SCN9A: variants seen among roughly 807,000 people sequenced by gnomAD.
SCN9A encodes the protein sodium channel protein type 9 subunit alpha.
Under a neutral mutation model 187.0 loss-of-function variants are expected in SCN9A, and 131 were observed. That is an observed-to-expected ratio of 0.70 (90% CI 0.61 to 0.81). The LOEUF (loss-of-function observed/expected upper bound fraction) is 0.81. SCN9A is among the 30% of genes least tolerant of loss of function. The pLI, the probability that SCN9A is intolerant of heterozygous loss-of-function variation, is 0.00. For missense variants in SCN9A, 2,252 were observed against 2,396.6 expected, an observed-to-expected ratio of 0.94 and a Z score of 1.26; for synonymous variants, 809 against 808.6, an observed-to-expected ratio of 1.00 and a Z score of -0.01.
At chr2:166,199,914 A>G in intron 26 of SCN9A, 50 bp from the exon 27 acceptor site, 2 of 1,427,052 alleles carry the variant, frequency 1.4e-6, no homozygotes, top group Non-Finnish European at 1.9e-6. Context: ...GATGTATGCT[A>G]CCTGAAATGA....
Position 166,281,763 on chromosome 2 carries a change from G to A in SCN9A, c.2020C>T (p.Leu674Phe), listed in dbSNP as rs530831139. The A allele has an allele frequency of 6.2e-7, 1 of 1,613,162 alleles. No individual in the cohort carries two copies. Among genetic ancestry groups the A allele is most frequent in the African/African-American group, 1.3e-5 (1 of 74,978 alleles). The part of the protein sequence containing the change: ...IHKKRRCSSY[L>F]LSEDMLNDPN... ...TCATTCAGCATATCCTCTGAAAGGA[G>A]ATAGGAACTACAACGCCTTTTCTTG... Residue 674 changes from leucine to phenylalanine, a missense_variant, in exon 13 of 27, where the codon CTC (leucine) becomes TTC (phenylalanine). By Grantham distance (22) the Leu-to-Phe change is conservative. Around this residue, in one of 7 missense-constraint regions of SCN9A, gnomAD observed 1,013 missense variants for 997.4 expected, o/e 1.02. Transcript: ENST00000642356.
chr2:166,202,991 A>G (rs888340162), intron 26 of SCN9A, among the ~76,000 whole-genome samples: 79 of 151,602 alleles, frequency 5.2e-4, no homozygotes, highest in Admixed American at 7.2e-4. Flanking sequence ...AAAAACAGGG[A>G]TGATACAGGC....
intron 1 of SCN9A, among the ~76,000 whole-genome samples, chr2:166,373,174 A>G (rs956490531): frequency 4.6e-5 from 7 of 152,172 alleles, no homozygotes; most frequent in Non-Finnish European, 1.0e-4. Context: ...CTTAATGAGA[A>G]GAGAATAGGT....
chr2:166,318,770 A>G (rs182521362), intron 1 of SCN9A, among the ~76,000 whole-genome samples: 161 of 152,304 alleles, frequency 1.1e-3, no homozygotes, highest in African/African-American at 3.5e-3. Context: ...GAAACGTTCT[A>G]TACCTTGATC....
At chr2:166,257,456 ATAATTAC>A (rs1359287205) in intron 17 of SCN9A, among the ~76,000 whole-genome samples, 1 of 151,728 alleles carries the variant, frequency 6.6e-6, no homozygotes, top group Non-Finnish European at 1.5e-5. Flanking sequence ...AATGAATGGA[ATAATTAC>A]TAGCTTTTTA....
chr2:166,371,040 G>T (rs12996068), intron 1 of SCN9A, among the ~76,000 whole-genome samples: 3 of 152,006 alleles, frequency 2.0e-5, no homozygotes, highest in African/African-American at 7.2e-5. Context: ...GACATAACAA[G>T]AGGAAATCAT....
At chr2:166,244,625 C>T (rs553165467) in intron 18 of SCN9A, among the ~76,000 whole-genome samples, 23 of 151,760 alleles carry the variant, frequency 1.5e-4, no homozygotes, top group Non-Finnish European at 3.1e-4. Context: ...GGTCTATTCT[C>T]TCTGGATTAT....
chr2:166,277,608 G>T, intron 15 of SCN9A: 1 of 333,314 alleles, frequency 3.0e-6, no homozygotes, highest in Non-Finnish European at 5.4e-6. Flanking sequence ...ATCATAATTT[G>T]TGATATTTTT....
intron 16 of SCN9A, among the ~76,000 whole-genome samples, chr2:166,273,714 A>G (rs890636783): frequency 2.0e-5 from 3 of 152,140 alleles, no homozygotes; most frequent in Admixed American, 6.6e-5. Flanking sequence ...TGTAAATTAT[A>G]TTTAAACATT....
chr2:166,222,093 CAA>C (rs1367330903), intron 24 of SCN9A, among the ~76,000 whole-genome samples: 3 of 151,834 alleles, frequency 2.0e-5, no homozygotes, highest in Non-Finnish European at 4.4e-5. Context: ...AAAATTCAAA[CAA>C]GAGCAAAAAT....
chr2:166,313,741 C>T (rs975974795), intron 1 of SCN9A, among the ~76,000 whole-genome samples: 2 of 152,172 alleles, frequency 1.3e-5, no homozygotes, highest in Admixed American at 6.6e-5. Context: ...AAGAATGTTT[C>T]CTTTGCATTC....
At chr2:166,202,150 A>AT (rs908750082) in intron 26 of SCN9A, among the ~76,000 whole-genome samples, 8 of 147,248 alleles carry the variant, frequency 5.4e-5, no homozygotes, top group African/African-American at 1.5e-4. Context: ...ATTTATGATG[A>AT]TTTTTTCCCC....
At chr2:166,351,097 G>C (rs1420350799) in intron 1 of SCN9A, among the ~76,000 whole-genome samples, 1 of 151,906 alleles carries the variant, frequency 6.6e-6, no homozygotes, top group Non-Finnish European at 1.5e-5. Context: ...TCATATCTAA[G>C]TTTTAAAAAA....
chr2:166,210,715 T>C (rs1184329407), intron 24 of SCN9A, among the ~76,000 whole-genome samples: 1 of 151,918 alleles, frequency 6.6e-6, no homozygotes, highest in African/African-American at 2.4e-5. Context: ...TGGGGAGAGA[T>C]ATGAACATCT....
intron 20 of SCN9A, among the ~76,000 whole-genome samples, chr2:166,235,871 G>C (rs898187677): frequency 3.3e-5 from 5 of 151,934 alleles, no homozygotes; most frequent in African/African-American, 1.2e-4. Flanking sequence ...TGAACAGGAG[G>C]TTATACTCAC....
intron 7 of SCN9A, among the ~76,000 whole-genome samples, chr2:166,299,341 C>T (rs528150689): frequency 6.6e-6 from 1 of 150,760 alleles, no homozygotes; most frequent in Non-Finnish European, 1.5e-5. Context: ...TTATTCTTAC[C>T]TTGAACCCTA....
chr2:166,280,498 T>C lies in SCN9A; in HGVS notation c.2202A>G (p.Lys734=), dbSNP rs2106475696. 1 of 1,588,054 alleles carries C rather than the reference T, an allele frequency of 6.3e-7. No individual in the cohort carries two copies. Among genetic ancestry groups the C allele is most frequent in the Non-Finnish European group, 8.6e-7 (1 of 1,164,978 alleles). Reference sequence around the variant, plus strand: ...CCATTACAATAAAATAGATACACTTTTTGAATTTTATCCAATATGGAGAGC... The same window carrying C: ...CCATTACAATAAAATAGATACACTTCTTGAATTTTATCCAATATGGAGAGC... ...WNCSPYWIKF[K]KCIYFIVMDP... is the part of the protein sequence containing the mutation. Residue 734 remains lysine (K), a synonymous_variant, in exon 14 of 27, where the codon AAA becomes AAG. Transcript: ENST00000642356.
rs1698902991 is a variant in SCN9A, at chr2:166,310,365, T to C, written c.258+1134A>G. On this transcript the variant is annotated intron_variant, in intron 2 of 26. Coordinates refer to ENST00000642356, the MANE Select transcript of SCN9A (RefSeq NM_001365536.1). ...GCAACCTACTCATCTGACAAAAGGCTAATATCCAGAATCTACAATGAACTC... is the reference window on the plus strand; with the variant it reads ...GCAACCTACTCATCTGACAAAAGGCCAATATCCAGAATCTACAATGAACTC... Among the ~76,000 whole-genome samples, 2 of 82,426 alleles carry C rather than the reference T, an allele frequency of 2.4e-5. 1 individual carries two copies. Among genetic ancestry groups the C allele is most frequent in the African/African-American group, 1.3e-4 (2 of 15,450 alleles). 54.1% of individuals were successfully genotyped at this position (82,426 alleles called of 152,430 possible).
At chr2:166,207,126 A>G (rs1693845256) in intron 24 of SCN9A, among the ~76,000 whole-genome samples, 1 of 152,166 alleles carries the variant, frequency 6.6e-6, no homozygotes, top group African/African-American at 2.4e-5. Context: ...TATATTCTAC[A>G]TTAGTCTATA....
Sources: allele counts gnomAD v4.1 joint callset (sites outside exome capture counted in the v4.1 genomes callset), GRCh38; gene constraint gnomAD v4.1.1; regional missense constraint gnomAD v4.1.1; transcripts MANE v1.5; gene names NCBI Gene and HGNC (gene_info 2026-07-23, HGNC 2026-07-21).